Variants in FOXP1 observed in about 807,000 individuals in gnomAD.
The protein encoded by FOXP1 is forkhead box P1, also known as forkhead box protein P1.
FOXP1 carries 15 observed loss-of-function variants against 98.2 expected under a neutral mutation model. The observed-to-expected ratio is 0.15, with a 90% confidence interval of 0.10 to 0.24. The LOEUF is 0.24. Among genes scored for constraint, FOXP1 ranks in the 10% least tolerant of loss-of-function variants. The pLI is 1.00. For synonymous variants in FOXP1, 371 were observed against 314.5 expected, an observed-to-expected ratio of 1.18 and a Z score of -1.90; for missense variants, 633 against 848.5, an observed-to-expected ratio of 0.75 and a Z score of 3.15.
chr3:71,093,222 C>T (rs771389440), intron 7 of FOXP1, among the ~76,000 whole-genome samples: 1 of 147,002 alleles, frequency 6.8e-6, no homozygotes, highest in Non-Finnish European at 1.5e-5. Flanking sequence ...CTAGTGCACT[C>T]AGCCTGGGCG....
chr3:71,556,452 C>T (rs1003457799), intron 2 of FOXP1, among the ~76,000 whole-genome samples: 6 of 151,926 alleles, frequency 3.9e-5, no homozygotes, highest in African/African-American at 1.5e-4. Flanking sequence ...TGGCAGGTGC[C>T]TGTAGTTCCA....
At chr3:70,986,055 G>C (rs1246662268) in intron 14 of FOXP1, among the ~76,000 whole-genome samples, 1 of 152,170 alleles carries the variant, frequency 6.6e-6, no homozygotes, top group Non-Finnish European at 1.5e-5. Flanking sequence ...CAATAGAGCA[G>C]TTAAAAATAA....
intron 18 of FOXP1, chr3:70,971,497 G>A (rs989369709): frequency 6.5e-6 from 1 of 153,588 alleles, no homozygotes; most frequent in Non-Finnish European, 1.4e-5. Flanking sequence ...GGCATACTGA[G>A]GGAAAAGGGT....
At chr3:71,376,966 A>G (rs1387270167) in intron 3 of FOXP1, among the ~76,000 whole-genome samples, 1 of 152,210 alleles carries the variant, frequency 6.6e-6, no homozygotes, top group Non-Finnish European at 1.5e-5. Flanking sequence ...AGTGAGCAAA[A>G]TGCAAAATTG....
At chr3:71,393,415 A>G (rs2081173501) in intron 3 of FOXP1, among the ~76,000 whole-genome samples, 1 of 152,196 alleles carries the variant, frequency 6.6e-6, no homozygotes, top group Non-Finnish European at 1.5e-5. Flanking sequence ...AATAAAAAAA[A>G]AACTCATAAA....
intron 4 of FOXP1, among the ~76,000 whole-genome samples, chr3:71,303,042 G>A (rs1007019825): frequency 1.3e-5 from 2 of 152,110 alleles, no homozygotes; most frequent in Admixed American, 6.5e-5. Context: ...CCACTAGTAT[G>A]TCCTACTTGG....
chr3:71,131,542 A>G (rs1299593157), intron 6 of FOXP1, among the ~76,000 whole-genome samples: 1 of 152,200 alleles, frequency 6.6e-6, no homozygotes, highest in Non-Finnish European at 1.5e-5. Context: ...TCCAGGTGCT[A>G]ATACTCGGCT....
chr3:71,431,413 G>T (rs1227158469), intron 3 of FOXP1, among the ~76,000 whole-genome samples: 1 of 152,122 alleles, frequency 6.6e-6, no homozygotes, highest in East Asian at 1.9e-4. Flanking sequence ...ATAAGAGCTG[G>T]CCTGGATGAC....
chr3:71,211,277 G>C lies in FOXP1; in HGVS notation c.-11-12885C>G, dbSNP rs545879840. The stretch of plus-strand genomic sequence containing the variant: ...GCCAGAGTGCAGTGGCGCAATCTTG[G>C]CTCACTGCAACCTCTTCCTCTTGGT... On this transcript the variant is annotated intron_variant, in intron 5 of 20. Coordinates refer to ENST00000649528, the MANE Select transcript of FOXP1 (RefSeq NM_001349338.3). Among the ~76,000 whole-genome samples the C allele has an allele frequency of 1.3e-3, 193 of 152,138 alleles. 1 individual carries two copies. The highest frequency in any genetic ancestry group is 1.9e-3 in the Non-Finnish European group (126 of 67,998).
chr3:71,474,172 C>A (rs554166191), intron 3 of FOXP1, among the ~76,000 whole-genome samples: 6 of 151,656 alleles, frequency 4.0e-5, no homozygotes, highest in Admixed American at 6.6e-5. Flanking sequence ...CACAATAGCA[C>A]GAGAATTAGT....
intron 3 of FOXP1, among the ~76,000 whole-genome samples, chr3:71,364,079 C>G (rs895104591): frequency 1.3e-5 from 2 of 152,128 alleles, no homozygotes; most frequent in East Asian, 1.9e-4. Context: ...GTTAAGCTCC[C>G]GAGCAGCTGG....
chr3:71,185,996 GT>G (rs2062620974), intron 6 of FOXP1, among the ~76,000 whole-genome samples: 1 of 152,136 alleles, frequency 6.6e-6, no homozygotes, highest in South Asian at 2.1e-4. Context: ...CTCTTCTACA[GT>G]TTATCTTCAA....
At chr3:71,530,788 C>T (rs923695668) in intron 2 of FOXP1, among the ~76,000 whole-genome samples, 4 of 152,104 alleles carry the variant, frequency 2.6e-5, no homozygotes, top group Admixed American at 2.6e-4. Context: ...TGAGATGTGC[C>T]GTACACTAAC....
chr3:71,414,048 G>A (rs192565420), intron 3 of FOXP1, among the ~76,000 whole-genome samples: 1 of 152,094 alleles, frequency 6.6e-6, no homozygotes, highest in African/African-American at 2.4e-5. Context: ...GGAGGCTCAT[G>A]CTAAAGCCAC....
chr3:71,388,299 C>T (rs970598807), intron 3 of FOXP1, among the ~76,000 whole-genome samples: 3 of 152,162 alleles, frequency 2.0e-5, no homozygotes, highest in African/African-American at 4.8e-5. Context: ...AAATGTTAAA[C>T]GGCCCAATTG....
At chr3:71,234,217 G>A (rs1450770864) in intron 5 of FOXP1, among the ~76,000 whole-genome samples, 1 of 151,832 alleles carries the variant, frequency 6.6e-6, no homozygotes, top group African/African-American at 2.4e-5. Context: ...AAATCTTTTT[G>A]GATAACCAGA....
intron 3 of FOXP1, among the ~76,000 whole-genome samples, chr3:71,394,915 A>T (rs778213107): frequency 1.3e-5 from 2 of 152,098 alleles, no homozygotes; most frequent in Non-Finnish European, 2.9e-5. Flanking sequence ...AGCCTGACCA[A>T]CATGGAGAAA....
chr3:71,227,075 T>C (rs1437297787), intron 5 of FOXP1, among the ~76,000 whole-genome samples: 2 of 152,160 alleles, frequency 1.3e-5, no homozygotes, highest in Non-Finnish European at 2.9e-5. Flanking sequence ...GTTCTAGCGA[T>C]GCAGTGGTTC....
chr3:71,028,563 C>T (rs560212959), intron 11 of FOXP1, among the ~76,000 whole-genome samples: 6 of 152,192 alleles, frequency 3.9e-5, no homozygotes, highest in Non-Finnish European at 7.3e-5. Context: ...CAACAGCTAA[C>T]CAGGTTCTCT....
Sources: gnomAD v4.1 joint callset for allele counts (sites outside exome capture counted in the v4.1 genomes callset) on GRCh38, gnomAD v4.1.1 for gene constraint, MANE v1.5 for transcripts, NCBI Gene and HGNC (gene_info 2026-07-23, HGNC 2026-07-21) for gene names.